SLC12A1: variants seen among roughly 807,000 people sequenced by gnomAD.
The protein encoded by SLC12A1 is Na-K-2Cl cotransporter.
SLC12A1 carries 89 observed loss-of-function variants against 130.4 expected under a neutral mutation model. The observed-to-expected ratio is 0.68, with a 90% confidence interval of 0.58 to 0.81. The LOEUF (loss-of-function observed/expected upper bound fraction) is 0.81. SLC12A1 is among the 40% of genes least tolerant of loss of function. The probability of loss-of-function intolerance (pLI) is 0.00; values close to 1 mark genes in which losing one functional copy is unlikely to be tolerated. For missense variants in SLC12A1, 1,310 were observed against 1,336.4 expected, an observed-to-expected ratio of 0.98 and a Z score of 0.31; for synonymous variants, 499 against 460.0, an observed-to-expected ratio of 1.08 and a Z score of -1.09.
In SLC12A1 at chr15:48,220,882, G is replaced by C. The variant is rs552609272; in HGVS notation, c.553-39G>C. 33 of 1,612,570 alleles carry C rather than the reference G, an allele frequency of 2.0e-5. No individual in the cohort carries two copies. The Middle Eastern group carries it at 6.6e-4, about 32-fold the overall frequency. On this transcript the variant is annotated intron_variant, in intron 3 of 26. Coordinates refer to ENST00000380993, the MANE Select transcript of SLC12A1 (RefSeq NM_000338.3). The stretch of plus-strand genomic sequence containing the variant: ...GAGCCCCGGGTTTTGTCCCACTATC[G>C]TTTGTCCTGTCTCCTTTCAATACCG...
chr15:48,294,385 A>C lies in SLC12A1; in HGVS notation c.2960+2521A>C, dbSNP rs866615897. Among the ~76,000 whole-genome samples, 10 of 152,046 alleles carry C rather than the reference A, an allele frequency of 6.6e-5. No homozygotes were observed. In the Middle Eastern group the frequency reaches 0.01, roughly 155 times the overall value. On this transcript the variant is annotated intron_variant, in intron 24 of 26. Coordinates refer to ENST00000380993, the MANE Select transcript of SLC12A1 (RefSeq NM_000338.3). ...AAAAAAGAAGAAGAAGAAAAGAAAA[A>C]TACATTAACTGTGATCAGAAAGCTA...
Position 48,291,850 on chromosome 15 carries a change from GC to G in SLC12A1, c.2948del (p.Pro983GlnfsTer12). On this transcript the variant is annotated frameshift_variant, in exon 24 of 27. Coordinates refer to ENST00000380993, the MANE Select transcript of SLC12A1 (RefSeq NM_000338.3). LOFTEE classifies it high-confidence loss of function. ...ATATCATCGGTGACATCAACATTAG[GC>G]CAAACAAAGAGAGGTATGAAATATT... ...IHIIGDINIR[P>X]NKESWKVFEE... 6.4e-7 allele frequency: 1 copy of G among 1,562,154 alleles called. No homozygotes were observed.
chr15:48,216,628 G>C (rs888500476), intron 2 of SLC12A1, among the ~76,000 whole-genome samples: 3 of 152,158 alleles, frequency 2.0e-5, no homozygotes, highest in African/African-American at 7.2e-5. Context: ...CTGATGGTCT[G>C]GCTATGGGAT....
intron 20 of SLC12A1, among the ~76,000 whole-genome samples, chr15:48,280,533 A>T (rs2041999767): frequency 6.6e-6 from 1 of 152,154 alleles, no homozygotes. Flanking sequence ...CTATTTCCAT[A>T]TCTCGATCTC....
At position 48,230,384 on chromosome 15, in the gene SLC12A1, T is replaced by C; in HGVS notation, c.865-9T>C. On this transcript the variant is annotated splice_polypyrimidine_tract_variant and intron_variant, in intron 6 of 26. Coordinates refer to ENST00000380993, the MANE Select transcript of SLC12A1 (RefSeq NM_000338.3). ...GTATCTCTAAGCACTTAATAATTTG[T>C]TTCCCCAGGAGAGTGATTCGATGAT... The C allele has an allele frequency of 6.3e-7, 1 of 1,579,236 alleles. No homozygotes were observed. Among genetic ancestry groups the C allele is most frequent in the East Asian group, 2.2e-5 (1 of 44,656 alleles).
chr15:48,279,432 A>G (rs1279865304), intron 20 of SLC12A1, among the ~76,000 whole-genome samples: 1 of 152,216 alleles, frequency 6.6e-6, no homozygotes, highest in African/African-American at 2.4e-5. Flanking sequence ...GTGAATAGAA[A>G]TCAGCTTTAT....
intron 2 of SLC12A1, among the ~76,000 whole-genome samples, chr15:48,214,780 G>A (rs1325576195): frequency 1.3e-5 from 2 of 149,824 alleles, no homozygotes; most frequent in Non-Finnish European, 2.9e-5. Flanking sequence ...TAGGTTAGGT[G>A]GAACAAGTTT....
chr15:48,294,607 T>C (rs2042155808), intron 24 of SLC12A1, among the ~76,000 whole-genome samples: 1 of 152,226 alleles, frequency 6.6e-6, no homozygotes, highest in South Asian at 2.1e-4. Flanking sequence ...TTCCACTTTT[T>C]ATTCAAGAAC....
intron 20 of SLC12A1, among the ~76,000 whole-genome samples, chr15:48,281,495 C>G (rs1241950514): frequency 6.6e-6 from 1 of 152,152 alleles, no homozygotes; most frequent in Non-Finnish European, 1.5e-5. Flanking sequence ...AACATGCAGA[C>G]TGGGTGTTCC....
At chr15:48,209,161 A>G (rs1254241726) in intron 2 of SLC12A1, among the ~76,000 whole-genome samples, 1 of 152,178 alleles carries the variant, frequency 6.6e-6, no homozygotes, top group Non-Finnish European at 1.5e-5. Context: ...TCCTGGGTTC[A>G]AGCGATTCTT....
chr15:48,271,209 C>T (rs991203239), intron 19 of SLC12A1, among the ~76,000 whole-genome samples: 1 of 151,872 alleles, frequency 6.6e-6, no homozygotes, highest in African/African-American at 2.4e-5. Context: ...TAAAACTCTG[C>T]CTCAAGAAAA....
At chr15:48,236,872 C>A (rs73404514) in intron 9 of SLC12A1, 7 of 504,360 alleles carry the variant, frequency 1.4e-5, no homozygotes, top group South Asian at 1.0e-4. Flanking sequence ...TATAAGCACA[C>A]CTTTAAATTA....
At position 48,251,648 on chromosome 15, in the gene SLC12A1, G is replaced by T. The variant is rs367577837; in HGVS notation, c.1820G>T (p.Trp607Leu). The change falls in exon 15 of 27, where the codon TGG (tryptophan) becomes TTG (leucine). Residue 607 changes from tryptophan to leucine, a missense_variant. By Grantham distance (61) the Trp-to-Leu change is moderately conservative. Coordinates refer to ENST00000380993, the MANE Select transcript of SLC12A1 (RefSeq NM_000338.3). ...CCTGCGTATGGAATTTACAACATGT[G>T]GGTATCTCTTTTTGGAGCTGTTTTG... ...WRPAYGIYNM[W>L]VSLFGAVLCC... 1 of 1,613,694 alleles carries T rather than the reference G, an allele frequency of 6.2e-7. No homozygotes were observed. The highest frequency in any genetic ancestry group is 8.5e-7 in the Non-Finnish European group (1 of 1,179,686).
chr15:48,242,447 T>C (rs1388536585), intron 10 of SLC12A1, among the ~76,000 whole-genome samples: 1 of 152,078 alleles, frequency 6.6e-6, no homozygotes, highest in African/African-American at 2.4e-5. Context: ...AAAGAAAAAA[T>C]GAACTTAAAT....
chr15:48,240,825 TCCC>T (rs1018017174), intron 9 of SLC12A1, among the ~76,000 whole-genome samples: 1 of 152,060 alleles, frequency 6.6e-6, no homozygotes, highest in Non-Finnish European at 1.5e-5. Flanking sequence ...ATATGATTTA[TCCC>T]CCCCAATAGG....
intron 24 of SLC12A1, among the ~76,000 whole-genome samples, chr15:48,292,750 G>A (rs534156089): frequency 1.3e-5 from 2 of 152,216 alleles, no homozygotes; most frequent in South Asian, 2.1e-4. Context: ...TCCTATAAGG[G>A]CACTAATCCT....
In SLC12A1 at chr15:48,280,167, T is replaced by TAAA. The variant is rs113028863; in HGVS notation, c.2486-4924_2486-4922dup. Reference sequence around the variant, plus strand: ...CTCTGCCTATTTCTAAAAGATATCTTAAAAAAAAAAAAAAAAAGACTGGGG... The same window carrying TAAA: ...CTCTGCCTATTTCTAAAAGATATCTTAAAAAAAAAAAAAAAAAAAAGACTGGGG... On this transcript the variant is annotated intron_variant, in intron 20 of 26. Transcript: ENST00000380993. Among the ~76,000 whole-genome samples, 641 of 125,678 alleles carry TAAA rather than the reference T, an allele frequency of 5.1e-3. 4 individuals carry two copies. Among genetic ancestry groups the TAAA allele is most frequent in the African/African-American group, 0.017 (603 of 34,666 alleles). The allele number at this position is 125,678 out of a possible 152,430, so 82.4% of individuals were successfully genotyped here. A position where few individuals can be genotyped will look rare whatever the true frequency, so the allele number is the denominator to read the frequency against.
At position 48,207,795 on chromosome 15, in the gene SLC12A1, A is replaced by G; in HGVS notation, c.76A>G (p.Ile26Val). Residue 26 changes from isoleucine to valine, a missense_variant, in exon 2 of 27, where the codon ATA (isoleucine) becomes GTA (valine). By Grantham distance (29) the Ile-to-Val change is conservative (BLOSUM62 3). Transcript: ENST00000380993. ...SNTNRFQVSVINENHESSAAA... is the reference protein window; with the variant it reads ...SNTNRFQVSVVNENHESSAAA... The stretch of plus-strand genomic sequence containing the variant: ...TACCAATCGCTTTCAAGTTAGTGTC[A>G]TAAATGAGAACCATGAGAGCAGTGC... The G allele has an allele frequency of 1.9e-6, 3 of 1,613,814 alleles. No homozygotes were observed. In the South Asian group the frequency reaches 3.3e-5, roughly 18 times the overall value.
intron 19 of SLC12A1, 122 bp from the exon 20 acceptor site, chr15:48,274,449 T>C (rs1469813168): frequency 1.4e-6 from 1 of 711,870 alleles, no homozygotes; most frequent in South Asian, 1.5e-5. Flanking sequence ...CTTGGCTATA[T>C]TCTAAGGTGG....
Sources: allele counts gnomAD v4.1 joint callset (sites outside exome capture counted in the v4.1 genomes callset), GRCh38; gene constraint gnomAD v4.1.1; transcripts MANE v1.5; gene names NCBI Gene and HGNC (gene_info 2026-07-23, HGNC 2026-07-21).